The following TCERG1L variants were observed in gnomAD, a reference collection of about 807,000 sequenced individuals.
TCERG1L encodes the protein transcription elongation regulator 1 like.
Under a neutral mutation model 56.3 loss-of-function variants are expected in TCERG1L, and 37 were observed. The observed-to-expected ratio is 0.66, with a 90% CI of 0.51 to 0.87. TCERG1L has a LOEUF of 0.87. Ranked by LOEUF, TCERG1L falls within the 40% of genes least tolerant of loss-of-function variation. The probability of loss-of-function intolerance (pLI) is 0.00; values close to 1 mark genes in which losing one functional copy is unlikely to be tolerated. For synonymous variants in TCERG1L, 324 were observed against 326.3 expected (o/e 0.99, Z 0.08); for missense variants, 799 against 774.2 (o/e 1.03, Z -0.38).
chr10:131,225,471 T>C (rs1564820035), intron 4 of TCERG1L, among the ~76,000 whole-genome samples: 1 of 152,122 alleles, frequency 6.6e-6, no homozygotes, highest in African/African-American at 2.4e-5. Context: ...TCCAAAGGTA[T>C]CCAGGACACC....
chr10:131,216,337 T>C (rs926892561), intron 4 of TCERG1L, among the ~76,000 whole-genome samples: 2 of 152,140 alleles, frequency 1.3e-5, no homozygotes, highest in Non-Finnish European at 2.9e-5. Context: ...TTTGGAAGCA[T>C]CAAGCTGAGA....
intron 4 of TCERG1L, among the ~76,000 whole-genome samples, chr10:131,240,444 G>A (rs1455950850): frequency 6.6e-6 from 1 of 152,116 alleles, no homozygotes; most frequent in Non-Finnish European, 1.5e-5. Flanking sequence ...CTGAGAGCAG[G>A]GATTCTGGGC....
Position 131,311,470 on chromosome 10 carries a change from C to A in TCERG1L, c.166G>T (p.Val56Phe). ...SAGLLRLSAG[V>F]VVPPVLLASA... ...GCGAGCAGCACCGGGGGAACCACGA[C>A]CCCCGCGCTGAGCCGGAGCAGCCCG... The change falls in exon 1 of 12, where the codon GTC becomes TTC. Residue 56 changes from valine to phenylalanine, a missense_variant. By Grantham distance (50) the Val-to-Phe change is conservative. Coordinates refer to ENST00000368642, the MANE Select transcript of TCERG1L (RefSeq NM_174937.4). This position sits in a 1 kb window ranked among gnomAD's most constrained non-coding sequence, Gnocchi z 4.0. The A allele has an allele frequency of 4.2e-6, 5 of 1,187,728 alleles. No homozygotes were observed. The highest frequency in any genetic ancestry group is 5.2e-6 in the Non-Finnish European group (5 of 961,158). The allele number at this position is 1,187,728 out of a possible 1,614,324, so 73.6% of individuals were successfully genotyped here.
intron 4 of TCERG1L, among the ~76,000 whole-genome samples, chr10:131,203,089 C>T (rs1190732400): frequency 1.3e-5 from 2 of 152,286 alleles, no homozygotes; most frequent in East Asian, 3.9e-4. Flanking sequence ...ATTCCACTTA[C>T]AAATTCAAGA....
intron 9 of TCERG1L, among the ~76,000 whole-genome samples, chr10:131,111,660 C>G (rs1371180416): frequency 7.0e-6 from 1 of 142,798 alleles, no homozygotes; most frequent in African/African-American, 2.5e-5. Context: ...ACGATTTCCT[C>G]GCACAGCCTG....
At chr10:131,098,681 A>G (rs1386890387) in intron 10 of TCERG1L, among the ~76,000 whole-genome samples, 1 of 152,198 alleles carries the variant, frequency 6.6e-6, no homozygotes, top group Non-Finnish European at 1.5e-5. Flanking sequence ...AACGTGAAGC[A>G]GCCCTGCTGG....
intron 4 of TCERG1L, among the ~76,000 whole-genome samples, chr10:131,220,384 C>T (rs1393333881): frequency 1.3e-5 from 2 of 152,332 alleles, no homozygotes; most frequent in East Asian, 1.9e-4. Context: ...GCTCTGTCTG[C>T]AGGACGCAGG....
intron 4 of TCERG1L, among the ~76,000 whole-genome samples, chr10:131,183,557 T>C (rs1845203738): frequency 6.6e-6 from 1 of 152,168 alleles, no homozygotes; most frequent in Non-Finnish European, 1.5e-5. Flanking sequence ...TATAATCTAA[T>C]CCCAGTTCTT....
intron 4 of TCERG1L, among the ~76,000 whole-genome samples, chr10:131,184,983 A>G (rs1303118955): frequency 2.0e-5 from 3 of 152,142 alleles, no homozygotes; most frequent in Non-Finnish European, 2.9e-5. Flanking sequence ...TACTGTAGAG[A>G]TTACGGCAGG....
chr10:131,137,012 T>C (rs567239494), intron 7 of TCERG1L, among the ~76,000 whole-genome samples: 23 of 151,798 alleles, frequency 1.5e-4, no homozygotes, highest in African/African-American at 5.3e-4. Flanking sequence ...TGGTGGCAGG[T>C]GCCTATAATC....
intron 4 of TCERG1L, among the ~76,000 whole-genome samples, chr10:131,208,254 C>T (rs1436312566): frequency 3.9e-5 from 6 of 152,214 alleles, no homozygotes; most frequent in African/African-American, 1.4e-4. Context: ...GCCCAGGTTA[C>T]GTCACTTGGA....
At chr10:131,154,420 T>C (rs1845897774) in intron 6 of TCERG1L, among the ~76,000 whole-genome samples, 1 of 152,114 alleles carries the variant, frequency 6.6e-6, no homozygotes, top group African/African-American at 2.4e-5. Context: ...TCCATCCATC[T>C]TTCACCCCTG....
At chr10:131,223,839 G>A (rs1472964314) in intron 4 of TCERG1L, among the ~76,000 whole-genome samples, 2 of 147,264 alleles carry the variant, frequency 1.4e-5, no homozygotes, top group Non-Finnish European at 3.0e-5. Context: ...ACCCTCCCCT[G>A]GCCCTCCCCC....
intron 6 of TCERG1L, among the ~76,000 whole-genome samples, chr10:131,159,029 C>A (rs1204265036): frequency 6.6e-6 from 1 of 152,254 alleles, no homozygotes; most frequent in African/African-American, 2.4e-5. Context: ...ACTTCCACTG[C>A]AGCCCCGAAC....
At chr10:131,292,435 G>C (rs745532172) in intron 3 of TCERG1L, among the ~76,000 whole-genome samples, 1 of 152,100 alleles carries the variant, frequency 6.6e-6, no homozygotes, top group Non-Finnish European at 1.5e-5. Context: ...TTACTGTTCT[G>C]TTACATTTTC....
rs967296929 is a variant in TCERG1L, at chr10:131,092,872, G to A, written c.*290C>T. On this transcript the variant is annotated 3_prime_UTR_variant, in exon 12 of 12. Transcript: ENST00000368642. The stretch of plus-strand genomic sequence containing the variant: ...AGGCTCCCGTTCCTGCTTCCCCACA[G>A]TCCTGCAGTGGATTGATAATTTGTG... 2.5e-5 allele frequency: 7 copies of A among 277,206 alleles called. No individual in the cohort carries two copies. The highest frequency in any genetic ancestry group is 4.7e-5 in the Non-Finnish European group (7 of 148,350). The allele number at this position is 277,206 out of a possible 1,614,324, so 17.2% of individuals were successfully genotyped here.
chr10:131,266,300 TGA>T (rs1256236162), intron 3 of TCERG1L, among the ~76,000 whole-genome samples: 3 of 152,248 alleles, frequency 2.0e-5, no homozygotes, highest in African/African-American at 7.2e-5. Flanking sequence ...AAATCATTCA[TGA>T]GAGTTGAAAT....
At chr10:131,257,470 T>C (rs1171286700) in intron 4 of TCERG1L, among the ~76,000 whole-genome samples, 1 of 152,242 alleles carries the variant, frequency 6.6e-6, no homozygotes. Flanking sequence ...TTTATGACTG[T>C]GGACTCTTTC....
At chr10:131,145,423 C>T (rs1365859565) in intron 7 of TCERG1L, among the ~76,000 whole-genome samples, 6 of 152,190 alleles carry the variant, frequency 3.9e-5, no homozygotes, top group East Asian at 3.9e-4. Flanking sequence ...TCCATATGGA[C>T]CTTGGAGATT....
Sources: gnomAD v4.1 joint callset for allele counts (sites outside exome capture counted in the v4.1 genomes callset) on GRCh38, gnomAD v4.1.1 for gene constraint, Gnocchi (gnomAD v3.1) non-coding constraint, MANE v1.5 for transcripts, NCBI Gene and HGNC (gene_info 2026-07-23, HGNC 2026-07-21) for gene names.